Variants in NUMB observed in about 807,000 individuals in gnomAD.
NUMB encodes the protein protein numb homolog.
NUMB carries 29 observed loss-of-function variants against 59.7 expected under a neutral mutation model. That is an observed-to-expected ratio of 0.49 (90% confidence interval 0.36 to 0.66). NUMB has a LOEUF of 0.66. Among genes scored for constraint, NUMB ranks in the 30% least tolerant of loss-of-function variants. The pLI, the probability that NUMB is intolerant of heterozygous loss-of-function variation, is 0.00. For missense variants in NUMB, 723 were observed against 822.0 expected, an observed-to-expected ratio of 0.88 and a Z score of 1.47; for synonymous variants, 288 against 288.2, an observed-to-expected ratio of 1.00 and a Z score of 0.01.
rs1424965142 is a variant in NUMB at position 73,276,448 on chromosome 14, A to T, written c.*130T>A. ...ACCCCTCACAGTACTCTGGGCCTGG[A>T]CTTGTTCCTTGGGACCTTTGGGATT... On this transcript the variant is annotated 3_prime_UTR_variant, in exon 13 of 13. Transcript: ENST00000555238. 1 of 693,340 alleles carries T rather than the reference A, an allele frequency of 1.4e-6. No homozygotes were observed. Among genetic ancestry groups the T allele is most frequent in the Non-Finnish European group, 2.4e-6 (1 of 417,328 alleles). The allele number at this position is 693,340 out of a possible 1,614,324, so 42.9% of individuals were successfully genotyped here.
chr14:73,394,196 C>A (rs776232259), intron 2 of NUMB, among the ~76,000 whole-genome samples: 1 of 152,140 alleles, frequency 6.6e-6, no homozygotes, highest in Non-Finnish European at 1.5e-5. Context: ...CTCAGGTGAT[C>A]AACCCACCTC....
At chr14:73,393,717 A>G (rs1895972358) in intron 2 of NUMB, among the ~76,000 whole-genome samples, 1 of 152,184 alleles carries the variant, frequency 6.6e-6, no homozygotes, top group Non-Finnish European at 1.5e-5. Flanking sequence ...TTTCACCAAT[A>G]CTTGTGAATT....
At chr14:73,442,594 GAT>G (rs1883142410) in intron 1 of NUMB, among the ~76,000 whole-genome samples, 3 of 151,972 alleles carry the variant, frequency 2.0e-5, no homozygotes, top group Non-Finnish European at 4.4e-5. Context: ...ATGAAATATT[GAT>G]ACACAAATAA....
At chr14:73,417,072 T>C (rs1897157684) in intron 1 of NUMB, among the ~76,000 whole-genome samples, 3 of 151,734 alleles carry the variant, frequency 2.0e-5, no homozygotes. Context: ...GGTCACAGGA[T>C]GGCCGAATTC....
chr14:73,407,942 A>T (rs150563740), intron 2 of NUMB, among the ~76,000 whole-genome samples: 1,606 of 152,246 alleles, frequency 0.011, 18 homozygotes, highest in Non-Finnish European at 0.019. Flanking sequence ...CACTGAAAAA[A>T]CTTGGCCGGG....
At chr14:73,444,666 T>TG (rs1883333092) in intron 1 of NUMB, among the ~76,000 whole-genome samples, 1 of 151,978 alleles carries the variant, frequency 6.6e-6, no homozygotes, top group Admixed American at 6.6e-5. Flanking sequence ...GAGACTTTCC[T>TG]GGCCAACATG....
At position 73,411,604 on chromosome 14, in the gene NUMB, T is replaced by A. The variant is rs114671903; in HGVS notation, c.-232-1536A>T. On this transcript the variant is annotated intron_variant, in intron 1 of 12. Transcript: ENST00000555238. ...CTAGCTTCTAAGCAGCTGAAGGTCA[T>A]AACTAAGTTTGCTCCACTTTATATT... Among the ~76,000 whole-genome samples the A allele has an allele frequency of 5.4e-3, 822 of 152,366 alleles. 5 individuals carry two copies. The highest frequency in any genetic ancestry group is 0.019 in the African/African-American group (790 of 41,590).
At chr14:73,355,083 G>T (rs1893710999) in intron 4 of NUMB, among the ~76,000 whole-genome samples, 1 of 152,120 alleles carries the variant, frequency 6.6e-6, no homozygotes, top group Non-Finnish European at 1.5e-5. Context: ...AAAAGCACCT[G>T]TACATCACTG....
At chr14:73,327,614 T>C (rs1048697031) in intron 4 of NUMB, among the ~76,000 whole-genome samples, 2 of 152,124 alleles carry the variant, frequency 1.3e-5, no homozygotes, top group Non-Finnish European at 2.9e-5. Flanking sequence ...AATATGGTGC[T>C]GTAAAAGTAC....
intron 4 of NUMB, among the ~76,000 whole-genome samples, chr14:73,353,097 T>TTTTTTTTTTTTTTTTTTTTTA (rs1893547278): frequency 7.7e-6 from 1 of 129,970 alleles, no homozygotes; most frequent in Non-Finnish European, 1.6e-5. Context: ...TTTTTTTTTT[T>TTTTTTTTTTTTTTTTTTTTTA]TTTTGAGACA....
chr14:73,352,477 C>CATATAT (rs1170959840), intron 4 of NUMB, among the ~76,000 whole-genome samples: 4 of 12,684 alleles, frequency 3.2e-4, no homozygotes, highest in African/African-American at 3.9e-4. Flanking sequence ...CACACACACA[C>CATATAT]ATATATATAT....
Position 73,334,289 on chromosome 14 carries a change from C to T in NUMB, c.127-11085G>A, listed in dbSNP as rs536510386. On this transcript the variant is annotated intron_variant, in intron 4 of 12. Transcript: ENST00000555238. ...TTCTTTTACCCAGACTGCTCATCTG[C>T]GATACTTTTTCATGTATATTCATCA... 3.3e-5 allele frequency among the ~76,000 whole-genome samples: 5 copies of T among 152,182 alleles called. No individual in the cohort carries two copies. The South Asian group carries it at 6.2e-4, about 19-fold the overall frequency.
chr14:73,389,801 T>A (rs1204095834), intron 2 of NUMB, among the ~76,000 whole-genome samples: 4 of 152,234 alleles, frequency 2.6e-5, no homozygotes, highest in Non-Finnish European at 5.9e-5. Context: ...GTATACCTCC[T>A]GATTTCCACT....
intron 6 of NUMB, among the ~76,000 whole-genome samples, chr14:73,300,506 G>A (rs2333194): frequency 0.53 from 80,836 of 151,966 alleles, 22,339 homozygotes; most frequent in East Asian, 0.73. Flanking sequence ...AGTCTAGTAC[G>A]GTGACTAGGA....
chr14:73,397,293 T>TA (rs1335324472), intron 2 of NUMB, among the ~76,000 whole-genome samples: 1 of 152,152 alleles, frequency 6.6e-6, no homozygotes, highest in Non-Finnish European at 1.5e-5. Context: ...ATCATTGATC[T>TA]AAAAAATGGA....
At chr14:73,285,852 G>A (rs184145756) in intron 9 of NUMB, among the ~76,000 whole-genome samples, 6 of 151,912 alleles carry the variant, frequency 3.9e-5, no homozygotes, top group African/African-American at 1.4e-4. Flanking sequence ...CTTGAGCCCA[G>A]GAGGTGAAGG....
chr14:73,386,904 G>A (rs1211929435), intron 2 of NUMB, among the ~76,000 whole-genome samples: 1 of 74,402 alleles, frequency 1.3e-5, no homozygotes, highest in African/African-American at 5.1e-5. Context: ...TTTTTGAGAC[G>A]GAGTCTCGCT....
chr14:73,416,901 C>T (rs998324770), intron 1 of NUMB, among the ~76,000 whole-genome samples: 2 of 151,532 alleles, frequency 1.3e-5, no homozygotes, highest in Admixed American at 6.6e-5. Flanking sequence ...GCCTTTGGGC[C>T]CACCACGCCC....
chr14:73,382,027 G>A (rs762336708), intron 2 of NUMB, among the ~76,000 whole-genome samples: 1 of 152,206 alleles, frequency 6.6e-6, no homozygotes, highest in Non-Finnish European at 1.5e-5. Context: ...AGGCAGATTT[G>A]TGGCGCTAAA....
Sources: allele counts gnomAD v4.1 joint callset (sites outside exome capture counted in the v4.1 genomes callset), GRCh38; gene constraint gnomAD v4.1.1; transcripts MANE v1.5; gene names NCBI Gene and HGNC (gene_info 2026-07-23, HGNC 2026-07-21).